Variants in DTWD1 observed in about 807,000 individuals in gnomAD.
DTWD1 encodes the protein DTW motif tRNA-uridine aminocarboxypropyltransferase 1.
Under a neutral mutation model 30.2 loss-of-function variants are expected in DTWD1, and 27 were observed. The ratio of observed to expected loss-of-function variants is 0.90; its 90% CI spans 0.66 to 1.23. The LOEUF is 1.23. Ranked by LOEUF, DTWD1 falls within the 50% of genes most tolerant of loss-of-function variation. The pLI, the probability that DTWD1 is intolerant of heterozygous loss-of-function variation, is 0.00. For missense variants in DTWD1, 342 were observed against 348.8 expected (o/e 0.98, Z 0.15); for synonymous variants, 99 against 113.1 (o/e 0.88, Z 0.79).
chr15:49,622,263 C>G (rs1295820188), intron 1 of DTWD1, among the ~76,000 whole-genome samples: 2 of 152,148 alleles, frequency 1.3e-5, no homozygotes, highest in African/African-American at 4.8e-5. Flanking sequence ...ACTAAAGTAC[C>G]TCCACAATAA....
At chr15:49,643,306 C>CTTTTTTTTTTT (rs5812490) in intron 4 of DTWD1, 25 bp from the exon 5 acceptor site, 60 of 1,201,874 alleles carry the variant, frequency 5.0e-5, no homozygotes, top group Middle Eastern at 3.2e-4. Context: ...TTCTTTCTTT[C>CTTTTTTTTTTT]TTTTTTTTTT....
chr15:49,633,396 A>G (rs978797727), intron 3 of DTWD1: 1 of 152,722 alleles, frequency 6.5e-6, no homozygotes, highest in Non-Finnish European at 1.5e-5. Context: ...ATGCATTGGC[A>G]TGATCACAGC....
At chr15:49,637,687 A>AT (rs1304261944) in intron 4 of DTWD1, among the ~76,000 whole-genome samples, 1 of 152,188 alleles carries the variant, frequency 6.6e-6, no homozygotes, top group East Asian at 1.9e-4. Context: ...TATTCAGTTG[A>AT]TATTAGGCAG....
At chr15:49,641,472 G>A (rs554530503) in intron 4 of DTWD1, among the ~76,000 whole-genome samples, 4 of 151,750 alleles carry the variant, frequency 2.6e-5, no homozygotes, top group African/African-American at 4.8e-5. Flanking sequence ...TTTGTCTGTC[G>A]TTTATTGTCA....
In DTWD1 at chr15:49,655,623, TTATC is replaced by T. The variant is rs376730048; in HGVS notation, c.*12048_*12051del. ...GGTGCTATAGATAATTCCCAAAAGATTATCTAGCCTACAGGGCCGATGAGGTATA... is the reference window on the plus strand; with the variant it reads ...GGTGCTATAGATAATTCCCAAAAGATTAGCCTACAGGGCCGATGAGGTATA... On this transcript the variant is annotated 3_prime_UTR_variant, in exon 5 of 5. Coordinates refer to ENST00000403028, the MANE Select transcript of DTWD1 (RefSeq NM_001144955.2). The T allele has an allele frequency of 2.6e-4, 39 of 152,188 alleles. No homozygotes were observed. Among genetic ancestry groups the T allele is most frequent in the African/African-American group, 9.1e-4 (38 of 41,542 alleles). 9.4% of individuals were successfully genotyped at this position (152,188 alleles called of 1,614,324 possible).
intron 4 of DTWD1, among the ~76,000 whole-genome samples, chr15:49,635,357 A>C (rs762341994): frequency 2.6e-5 from 4 of 152,054 alleles, no homozygotes; most frequent in Non-Finnish European, 4.4e-5. Flanking sequence ...TTCTAAGAAT[A>C]AGAATATTCT....
At chr15:49,633,649 C>A in intron 3 of DTWD1, 1 of 269,130 alleles carries the variant, frequency 3.7e-6, no homozygotes, top group Non-Finnish European at 7.3e-6. Context: ...TTTTTTGTTT[C>A]ATAATTTTAT....
At chr15:49,634,946 G>T in intron 4 of DTWD1, 152 bp downstream of exon 4, 1 of 646,102 alleles carries the variant, frequency 1.5e-6, no homozygotes, top group Non-Finnish European at 2.4e-6. Context: ...ATATATGTGA[G>T]TGTGTATTTA....
rs117271314 is a variant in DTWD1, at chr15:49,622,823, G to A, written c.-56+1701G>A. On this transcript the variant is annotated intron_variant, in intron 1 of 4. Coordinates refer to ENST00000403028, the MANE Select transcript of DTWD1 (RefSeq NM_001144955.2). ...TTCTACGTGGCCACCTCAGCCATAA[G>A]TGAGAGTATATAGGTGAACTAAGAG... 8.4e-3 allele frequency among the ~76,000 whole-genome samples: 1,282 copies of A among 152,290 alleles called. 8 individuals are homozygous for A. The highest frequency in any genetic ancestry group is 0.015 in the Non-Finnish European group (1,025 of 68,024).
rs745630390 is a variant in DTWD1, at chr15:49,646,197, C to T, written c.*2619C>T. On this transcript the variant is annotated 3_prime_UTR_variant, in exon 5 of 5. Transcript: ENST00000403028. ...CCCAAGATATGTGAATGATTCCAGCCAAGATCAGCAGAGTCATCTAACTGA... is the reference window on the plus strand; with the variant it reads ...CCCAAGATATGTGAATGATTCCAGCTAAGATCAGCAGAGTCATCTAACTGA... 6 of 152,190 alleles carry T rather than the reference C, an allele frequency of 3.9e-5. No individual in the cohort carries two copies. The highest frequency in any genetic ancestry group is 7.3e-5 in the Non-Finnish European group (5 of 68,054). 9.4% of individuals were successfully genotyped at this position (152,190 alleles called of 1,614,324 possible).
In DTWD1 at chr15:49,651,946, C is replaced by T. The variant is rs1466509775; in HGVS notation, c.*8368C>T. ...CTGAAGGTACAGCTGAACACCAGCT[C>T]ATAGGCAAATTCTACAAGGATAGGA... On this transcript the variant is annotated 3_prime_UTR_variant, in exon 5 of 5. Transcript: ENST00000403028. 2.0e-5 allele frequency: 3 copies of T among 152,082 alleles called. No individual in the cohort carries two copies. Among genetic ancestry groups the T allele is most frequent in the African/African-American group, 7.2e-5 (3 of 41,412 alleles). The allele number at this position is 152,082 out of a possible 1,614,324, so 9.4% of individuals were successfully genotyped here. A position where few individuals can be genotyped will look rare whatever the true frequency, so the allele number is the denominator to read the frequency against.
In DTWD1 at chr15:49,652,355, G is replaced by A. The variant is rs1286966602; in HGVS notation, c.*8777G>A. ...AGTTGACCCTAATCAAGAGGAGATT[G>A]GAATCCTGGTTACACAATCTGGGCA... On this transcript the variant is annotated 3_prime_UTR_variant, in exon 5 of 5. Transcript: ENST00000403028. The A allele has an allele frequency of 6.6e-6, 1 of 152,150 alleles. No individual in the cohort carries two copies. The highest frequency in any genetic ancestry group is 1.5e-5 in the Non-Finnish European group (1 of 68,026). 9.4% of individuals were successfully genotyped at this position (152,150 alleles called of 1,614,324 possible).
At position 49,643,639 on chromosome 15, in the gene DTWD1, TTTG is replaced by T; in HGVS notation, c.*64_*66del. Reference sequence around the variant, plus strand: ...AACATTAATAAACTTATATTTGTGCTTTGTTTTTTCTTAAGAAATAATCATATA... The same window carrying T: ...AACATTAATAAACTTATATTTGTGCTTTTTTTCTTAAGAAATAATCATATA... On this transcript the variant is annotated 3_prime_UTR_variant, in exon 5 of 5. Transcript: ENST00000403028. The T allele has an allele frequency of 1.3e-6, 2 of 1,493,942 alleles. No homozygotes were observed. Among genetic ancestry groups the T allele is most frequent in the Non-Finnish European group, 1.8e-6 (2 of 1,116,232 alleles). 92.5% of individuals were successfully genotyped at this position (1,493,942 alleles called of 1,614,324 possible).
intron 4 of DTWD1, among the ~76,000 whole-genome samples, chr15:49,640,158 A>T (rs925244010): frequency 6.6e-6 from 1 of 152,006 alleles, no homozygotes; most frequent in Non-Finnish European, 1.5e-5. Flanking sequence ...AGTGTTATAT[A>T]TATGTTTTCA....
chr15:49,637,580 A>T (rs1437206042), intron 4 of DTWD1, among the ~76,000 whole-genome samples: 1 of 152,166 alleles, frequency 6.6e-6, no homozygotes, highest in African/African-American at 2.4e-5. Context: ...CATTATAAGG[A>T]TTTTTATTTC....
At chr15:49,637,785 C>T (rs187474302) in intron 4 of DTWD1, among the ~76,000 whole-genome samples, 1 of 152,118 alleles carries the variant, frequency 6.6e-6, no homozygotes, top group Non-Finnish European at 1.5e-5. Flanking sequence ...CATTTTGACA[C>T]TTTTTGGAGT....
At chr15:49,624,127 G>A (rs992589332) in intron 1 of DTWD1, among the ~76,000 whole-genome samples, 1 of 151,598 alleles carries the variant, frequency 6.6e-6, no homozygotes, top group Non-Finnish European at 1.5e-5. Flanking sequence ...AGCAAATTAT[G>A]TTGTATTTTA....
Position 49,627,358 on chromosome 15 carries a change from A to G in DTWD1, c.264+1927A>G, listed in dbSNP as rs571361557. Among the ~76,000 whole-genome samples the G allele has an allele frequency of 3.9e-5, 6 of 152,300 alleles. 1 individual carries two copies. In the East Asian group the frequency reaches 1.2e-3, roughly 29 times the overall value. On this transcript the variant is annotated intron_variant, in intron 2 of 4. Transcript: ENST00000403028. ...TACTTTATTTTTATTTTAACAAATC[A>G]TTCAGCATTTGCTTTTAGATAGCCT...
At chr15:49,636,321 TAA>T (rs879364735) in intron 4 of DTWD1, among the ~76,000 whole-genome samples, 60 of 129,620 alleles carry the variant, frequency 4.6e-4, no homozygotes, top group Non-Finnish European at 4.0e-4. Context: ...GACACTTGTG[TAA>T]AAAAAAAAAA....
Sources: gnomAD v4.1 joint callset for allele counts (sites outside exome capture counted in the v4.1 genomes callset) on GRCh38, gnomAD v4.1.1 for gene constraint, MANE v1.5 for transcripts, NCBI Gene and HGNC (gene_info 2026-07-23, HGNC 2026-07-21) for gene names.